TLL2: variants seen among roughly 807,000 people sequenced by gnomAD.
The protein encoded by TLL2 is tolloid like 2.
In TLL2, 106 loss-of-function variants were observed where a neutral mutation model predicts 123.0. The ratio of observed to expected loss-of-function variants is 0.86; its 90% CI spans 0.74 to 1.01. TLL2 has a LOEUF of 1.01. Ranked by LOEUF, TLL2 falls within the 50% of genes least tolerant of loss-of-function variation. The pLI is 0.00. For missense variants in TLL2, 1,332 were observed against 1,336.7 expected (o/e 1.00, Z 0.06); for synonymous variants, 494 against 516.8 (o/e 0.96, Z 0.60).
chr10:96,373,223 A>G (rs1285903919), intron 19 of TLL2: 4 of 244,912 alleles, frequency 1.6e-5, no homozygotes, highest in Non-Finnish European at 3.2e-5. Context: ...GCTCACTGCA[A>G]TCTCTGCCTC....
intron 16 of TLL2, 67 bp downstream of exon 16, chr10:96,384,520 C>T (rs902959144): frequency 2.1e-6 from 3 of 1,431,634 alleles, no homozygotes; most frequent in African/African-American, 2.9e-5. Flanking sequence ...GCCAGGGACC[C>T]CAGAGCCTGG....
At chr10:96,382,887 AAGAT>A (rs1232178199) in intron 16 of TLL2, among the ~76,000 whole-genome samples, 1 of 152,216 alleles carries the variant, frequency 6.6e-6, no homozygotes, top group South Asian at 2.1e-4. Flanking sequence ...AAAATGGACT[AAGAT>A]AGAGGAATAA....
chr10:96,425,259 TTCTCTCTCTCTCTC>T lies in TLL2; in HGVS notation c.639-2546_639-2533del, dbSNP rs5787184. On this transcript the variant is annotated intron_variant, in intron 5 of 20. Coordinates refer to ENST00000357947, the MANE Select transcript of TLL2 (RefSeq NM_012465.4). Reference sequence around the variant, plus strand: ...GATAGCTACCTCTGTCATTACTGTTTTCTCTCTCTCTCTCTCTCTCTCTCTCTCTCTCTCATTAT... The same window carrying T: ...GATAGCTACCTCTGTCATTACTGTTTTCTCTCTCTCTCTCTCTCTCATTAT... Among the ~76,000 whole-genome samples, 7 of 144,346 alleles carry T rather than the reference TTCTCTCTCTCTCTC, an allele frequency of 4.8e-5. No individual in the cohort carries two copies. The East Asian group carries it at 8.0e-4, about 17-fold the overall frequency. The allele number at this position is 144,346 out of a possible 152,430, so 94.7% of individuals were successfully genotyped here.
chr10:96,420,007 T>A (rs1846603647), intron 7 of TLL2, among the ~76,000 whole-genome samples: 1 of 152,202 alleles, frequency 6.6e-6, no homozygotes, highest in Non-Finnish European at 1.5e-5. Flanking sequence ...GGGCCTCAAC[T>A]TAGCTTTCTA....
chr10:96,368,047 CA>C lies in TLL2; in HGVS notation c.*40del, dbSNP rs527635760. ...TATTGTTGTTAAAAACAAAACAAAACAAAAAAAATTCTCAGTTTCTGTCTTT... is the reference window on the plus strand; with the variant it reads ...TATTGTTGTTAAAAACAAAACAAAACAAAAAAATTCTCAGTTTCTGTCTTT... On this transcript the variant is annotated 3_prime_UTR_variant, in exon 21 of 21. Coordinates refer to ENST00000357947, the MANE Select transcript of TLL2 (RefSeq NM_012465.4). The C allele has an allele frequency of 8.1e-5, 130 of 1,608,144 alleles. No homozygotes were observed. In the African/African-American group the frequency reaches 1.6e-3, roughly 20 times the overall value.
intron 3 of TLL2, among the ~76,000 whole-genome samples, chr10:96,435,555 T>C (rs890095929): frequency 5.3e-5 from 8 of 152,256 alleles, no homozygotes; most frequent in Non-Finnish European, 8.8e-5. Context: ...CACAAAGATT[T>C]ATACGTATGT....
intron 19 of TLL2, chr10:96,373,121 T>A (rs10882783): frequency 0.14 from 22,127 of 153,996 alleles, 1,651 homozygotes; most frequent in South Asian, 0.23. Context: ...CCTTTTCCCT[T>A]TGGTTGCTGA....
In TLL2 at chr10:96,378,983, C is replaced by T; in HGVS notation, c.2304G>A (p.Gly768=). The T allele has an allele frequency of 1.2e-6, 2 of 1,614,202 alleles. No homozygotes were observed. Among genetic ancestry groups the T allele is most frequent in the South Asian group, 2.2e-5 (2 of 91,088 alleles). Reference sequence around the variant, plus strand: ...CAGCCTCACCCTCTTTGCAGTCATGCCCATTCTCGTGGAGCCAGTAGCCGT... The same window carrying T: ...CAGCCTCACCCTCTTTGCAGTCATGTCCATTCTCGTGGAGCCAGTAGCCGT... ...CRNGYWLHEN[G]HDCKEAGCAH... The change falls in exon 17 of 21, where the codon GGG becomes GGA. Residue 768 remains glycine (G), a synonymous_variant. Coordinates refer to ENST00000357947, the MANE Select transcript of TLL2 (RefSeq NM_012465.4).
chr10:96,404,376 A>G (rs1476731227), intron 10 of TLL2, among the ~76,000 whole-genome samples: 1 of 152,198 alleles, frequency 6.6e-6, no homozygotes, highest in East Asian at 1.9e-4. Flanking sequence ...TCATCTCACC[A>G]AAACAATACA....
chr10:96,418,393 C>T (rs1846586287), intron 7 of TLL2, among the ~76,000 whole-genome samples: 2 of 152,286 alleles, frequency 1.3e-5, no homozygotes, highest in South Asian at 4.1e-4. Flanking sequence ...CTACATGGTA[C>T]AGACTTACAG....
chr10:96,373,841 G>T (rs1846109649), intron 18 of TLL2, 32 bp from the exon 19 acceptor site: 2 of 1,600,872 alleles, frequency 1.2e-6, no homozygotes, highest in Non-Finnish European at 1.7e-6. Flanking sequence ...GTAAGGCAAG[G>T]GCCTGGCGTT....
rs184736245 is a variant in TLL2, at chr10:96,466,886, G to A, written c.286+13463C>T. Among the ~76,000 whole-genome samples, 648 of 152,318 alleles carry A rather than the reference G, an allele frequency of 4.3e-3. 4 individuals carry two copies. Among genetic ancestry groups the A allele is most frequent in the Middle Eastern group, 0.01 (3 of 294 alleles). On this transcript the variant is annotated intron_variant, in intron 2 of 20. Transcript: ENST00000357947. ...CAAAGGACTCATTCTTGGACCTCAG[G>A]AAGCTTAGAGTCCAGCACTCCATTT...
intron 13 of TLL2, among the ~76,000 whole-genome samples, chr10:96,387,751 G>A (rs1207478905): frequency 1.3e-5 from 2 of 152,048 alleles, no homozygotes; most frequent in African/African-American, 2.4e-5. Context: ...CGTTTGGGGC[G>A]ACTAAATAAC....
chr10:96,513,708 C>CAG lies in TLL2; in HGVS notation c.-25_-24dup. 1.3e-6 allele frequency: 2 copies of CAG among 1,486,444 alleles called. No homozygotes were observed. Among genetic ancestry groups the CAG allele is most frequent in the Non-Finnish European group, 1.8e-6 (2 of 1,123,384 alleles). 92.1% of individuals were successfully genotyped at this position (1,486,444 alleles called of 1,614,324 possible). A position where few individuals can be genotyped will look rare whatever the true frequency, so the allele number is the denominator to read the frequency against. ...CATGGTGGCGCGGGGCCGGCTGGGG[C>CAG]AGAGGGAGTTGCGTGCACGAAAGCT... On this transcript the variant is annotated 5_prime_UTR_variant, in exon 1 of 21. Transcript: ENST00000357947.
intron 3 of TLL2, 90 bp from the exon 4 acceptor site, chr10:96,433,052 G>T: frequency 1.3e-6 from 2 of 1,528,038 alleles, no homozygotes; most frequent in Non-Finnish European, 1.8e-6. Flanking sequence ...TTCCAAAAAG[G>T]GGGTGTTAAA....
intron 19 of TLL2, among the ~76,000 whole-genome samples, chr10:96,371,124 C>G (rs1322456343): frequency 1.3e-5 from 2 of 152,162 alleles, no homozygotes; most frequent in South Asian, 2.1e-4. Flanking sequence ...GAGTTTGCGA[C>G]CAGCCTGGCC....
At chr10:96,494,082 CAG>C (rs1847444946) in intron 1 of TLL2, among the ~76,000 whole-genome samples, 1 of 152,208 alleles carries the variant, frequency 6.6e-6, no homozygotes, top group African/African-American at 2.4e-5. Flanking sequence ...GCTCTGCCAA[CAG>C]AGGAGCCACC....
At chr10:96,384,451 C>T in intron 16 of TLL2, 136 bp downstream of exon 16, 1 of 857,280 alleles carries the variant, frequency 1.2e-6, no homozygotes, top group Non-Finnish European at 1.7e-6. Flanking sequence ...CTGGCACGCC[C>T]CCTCCAAGGC....
In TLL2 at chr10:96,373,623, TCC is replaced by T; in HGVS notation, c.2633_2634del (p.Arg878LysfsTer18). 1.2e-6 allele frequency: 2 copies of T among 1,614,200 alleles called. No individual in the cohort carries two copies. The highest frequency in any genetic ancestry group is 1.7e-6 in the Non-Finnish European group (2 of 1,180,040). On this transcript the variant is annotated frameshift_variant, in exon 19 of 21. Coordinates refer to ENST00000357947, the MANE Select transcript of TLL2 (RefSeq NM_012465.4). LOFTEE classifies it high-confidence loss of function. ...GTGCTGTGCACTGCCTGGAAGCCTT[TCC>T]TCTGCACTGAGGCATCCGAATAAAA... ...LRFYSDASVQ[R>X]KGFQAVHSTE...
Sources: allele counts gnomAD v4.1 joint callset (sites outside exome capture counted in the v4.1 genomes callset), GRCh38; gene constraint gnomAD v4.1.1; transcripts MANE v1.5; gene names NCBI Gene and HGNC (gene_info 2026-07-23, HGNC 2026-07-21).